FSTL5: variants seen among roughly 807,000 people sequenced by gnomAD.
The protein encoded by FSTL5 is follistatin-related protein 5.
Under a neutral mutation model 89.1 loss-of-function variants are expected in FSTL5, and 62 were observed. That is an observed-to-expected ratio of 0.70 (90% CI 0.57 to 0.86). FSTL5 has a LOEUF of 0.86. FSTL5 is among the 40% of genes least tolerant of loss of function. The pLI, the probability that FSTL5 is intolerant of heterozygous loss-of-function variation, is 0.00. For missense variants in FSTL5, 1,057 were observed against 1,001.6 expected, an observed-to-expected ratio of 1.06 and a Z score of -0.75; for synonymous variants, 383 against 346.2, an observed-to-expected ratio of 1.11 and a Z score of -1.18.
intron 15 of FSTL5, among the ~76,000 whole-genome samples, chr4:161,390,714 C>CCT (rs1730792945): frequency 6.6e-6 from 1 of 152,090 alleles, no homozygotes; most frequent in South Asian, 2.1e-4. Context: ...AGAGCAATGT[C>CCT]CTCATATGGT....
intron 3 of FSTL5, among the ~76,000 whole-genome samples, chr4:161,964,033 C>T (rs938617196): frequency 4.6e-5 from 7 of 151,810 alleles, no homozygotes; most frequent in African/African-American, 1.7e-4. Flanking sequence ...AAGTAATACC[C>T]TTTTTTCTCT....
At chr4:161,727,573 G>A (rs1397344292) in intron 6 of FSTL5, among the ~76,000 whole-genome samples, 5 of 152,128 alleles carry the variant, frequency 3.3e-5, no homozygotes, top group Non-Finnish European at 1.5e-5. Context: ...GCTTCTCTAA[G>A]TTTTCATGTA....
intron 15 of FSTL5, among the ~76,000 whole-genome samples, chr4:161,394,358 C>A (rs1374219752): frequency 6.6e-6 from 1 of 152,166 alleles, no homozygotes; most frequent in African/African-American, 2.4e-5. Flanking sequence ...TTACTGCAAC[C>A]TCCACCTTCT....
At chr4:162,113,333 C>T (rs1731519597) in intron 1 of FSTL5, among the ~76,000 whole-genome samples, 1 of 151,930 alleles carries the variant, frequency 6.6e-6, no homozygotes, top group Admixed American at 6.6e-5. Context: ...TTTATATCTA[C>T]CTTCTAAATA....
At chr4:161,992,905 T>C in intron 3 of FSTL5, among the ~76,000 whole-genome samples, 3 of 7,160 alleles carry the variant, frequency 4.2e-4, no homozygotes, top group African/African-American at 6.8e-4. Flanking sequence ...TATGTGTGTG[T>C]ATATATATAT....
chr4:161,565,792 A>G (rs76127137), intron 8 of FSTL5, among the ~76,000 whole-genome samples: 1,077 of 106,120 alleles, frequency 0.01, 11 homozygotes, highest in African/African-American at 0.037. Flanking sequence ...CATATATATG[A>G]TATTTTCTTT....
At chr4:161,737,935 T>C (rs1430817023) in intron 6 of FSTL5, among the ~76,000 whole-genome samples, 1 of 152,086 alleles carries the variant, frequency 6.6e-6, no homozygotes, top group African/African-American at 2.4e-5. Flanking sequence ...GAATTAAAAA[T>C]TTAAGACCAG....
chr4:161,733,156 T>G (rs1739674948), intron 6 of FSTL5, among the ~76,000 whole-genome samples: 1 of 151,974 alleles, frequency 6.6e-6, no homozygotes, highest in African/African-American at 2.4e-5. Flanking sequence ...TTAATTTCTC[T>G]CATAAAAATT....
At chr4:161,488,271 A>C (rs1345790846) in intron 12 of FSTL5, among the ~76,000 whole-genome samples, 1 of 152,108 alleles carries the variant, frequency 6.6e-6, no homozygotes, top group African/African-American at 2.4e-5. Flanking sequence ...CATATTAGTC[A>C]GAACATAGGT....
chr4:161,471,979 CTTT>C (rs61243040), intron 13 of FSTL5, among the ~76,000 whole-genome samples: 1 of 132,552 alleles, frequency 7.5e-6, no homozygotes, highest in East Asian at 2.1e-4. Flanking sequence ...TTTTCTTGAT[CTTT>C]TTTTTTTTTT....
intron 6 of FSTL5, among the ~76,000 whole-genome samples, chr4:161,686,513 C>T (rs1579020973): frequency 6.6e-6 from 1 of 150,712 alleles, no homozygotes; most frequent in African/African-American, 2.4e-5. Context: ...CACCCGCCAC[C>T]ATGCCCAGCT....
chr4:161,689,858 G>A (rs539102272), intron 6 of FSTL5, among the ~76,000 whole-genome samples: 26 of 152,050 alleles, frequency 1.7e-4, no homozygotes, highest in African/African-American at 5.8e-4. Flanking sequence ...TGTCACTATC[G>A]ATTTACCTAC....
intron 4 of FSTL5, among the ~76,000 whole-genome samples, chr4:161,879,690 C>T (rs1190443312): frequency 6.6e-6 from 1 of 152,100 alleles, no homozygotes; most frequent in Non-Finnish European, 1.5e-5. Context: ...CTTTATTTTC[C>T]TGTATGTGAC....
At chr4:162,105,608 T>C (rs1731196465) in intron 2 of FSTL5, among the ~76,000 whole-genome samples, 1 of 152,112 alleles carries the variant, frequency 6.6e-6, no homozygotes, top group Non-Finnish European at 1.5e-5. Flanking sequence ...AAAAAATTTT[T>C]CAAACATAAT....
At chr4:161,590,053 C>T (rs986533375) in intron 7 of FSTL5, among the ~76,000 whole-genome samples, 1 of 151,998 alleles carries the variant, frequency 6.6e-6, no homozygotes, top group African/African-American at 2.4e-5. Flanking sequence ...AGAGTGAATC[C>T]CAACAGCCAC....
At chr4:161,790,441 G>GC (rs964186312) in intron 4 of FSTL5, among the ~76,000 whole-genome samples, 33 of 152,178 alleles carry the variant, frequency 2.2e-4, no homozygotes, top group African/African-American at 8.0e-4. Flanking sequence ...CTGGATTGCA[G>GC]CCCCACTTAC....
intron 4 of FSTL5, among the ~76,000 whole-genome samples, chr4:161,799,040 A>T (rs1729719544): frequency 6.6e-6 from 1 of 151,702 alleles, no homozygotes; most frequent in Admixed American, 6.6e-5. Flanking sequence ...TTATTAAATG[A>T]TTGCTCACAG....
intron 6 of FSTL5, among the ~76,000 whole-genome samples, chr4:161,704,731 A>G (rs896612430): frequency 6.6e-6 from 1 of 152,092 alleles, no homozygotes; most frequent in Admixed American, 6.6e-5. Flanking sequence ...CCATCAGTCA[A>G]TTGCTTCACT....
intron 2 of FSTL5, among the ~76,000 whole-genome samples, chr4:162,090,008 A>G (rs1292761630): frequency 6.6e-6 from 1 of 152,204 alleles, no homozygotes; most frequent in African/African-American, 2.4e-5. Context: ...CTCTCTATTC[A>G]GTCAATGGTG....
Sources: allele counts gnomAD v4.1 joint callset (sites outside exome capture counted in the v4.1 genomes callset), GRCh38; gene constraint gnomAD v4.1.1; transcripts MANE v1.5; gene names NCBI Gene and HGNC (gene_info 2026-07-23, HGNC 2026-07-21).